Variants in ATG13 observed in about 807,000 individuals in gnomAD.
ATG13 encodes autophagy-related protein 13.
Under a neutral mutation model 65.5 loss-of-function variants are expected in ATG13, and 23 were observed. The ratio of observed to expected loss-of-function variants is 0.35; its 90% CI spans 0.25 to 0.50. The LOEUF (loss-of-function observed/expected upper bound fraction) is 0.50, where lower values mean the gene tolerates loss of function less well. ATG13 is among the 20% of genes least tolerant of loss of function. The pLI is 0.98. For synonymous variants in ATG13, 252 were observed against 245.2 expected, an observed-to-expected ratio of 1.03 and a Z score of -0.26; for missense variants, 566 against 677.0, an observed-to-expected ratio of 0.84 and a Z score of 1.82.
intron 7 of ATG13, among the ~76,000 whole-genome samples, chr11:46,652,000 G>A (rs1212939730): frequency 1.3e-5 from 2 of 152,114 alleles, no homozygotes; most frequent in African/African-American, 2.4e-5. Context: ...TGTAATCCCA[G>A]CACTTTGAGA....
intron 11 of ATG13, among the ~76,000 whole-genome samples, chr11:46,663,348 T>C (rs1289004884): frequency 6.6e-6 from 1 of 151,992 alleles, no homozygotes; most frequent in African/African-American, 2.4e-5. Context: ...TAAGTAGCTT[T>C]GAAATCATAA....
At chr11:46,622,975 T>G (rs1285132054) in intron 1 of ATG13, among the ~76,000 whole-genome samples, 1 of 152,178 alleles carries the variant, frequency 6.6e-6, no homozygotes, top group African/African-American at 2.4e-5. Context: ...GAAGTACAGC[T>G]AGAGTCATCA....
At position 46,659,427 on chromosome 11, in the gene ATG13, C is replaced by T. The variant is rs1470373259; in HGVS notation, c.731C>T (p.Ser244Phe). ...AGEDTGVIYP[S>F]VEDSQEVCTT... ...GAGGACACTGGAGTAATATACCCGT[C>T]TGTAGAAGACTCTCAAGAAGTGTGT... The change falls in exon 11 of 19, where the codon TCT (serine) becomes TTT (phenylalanine). Residue 244 changes from serine to phenylalanine, a missense_variant. By Grantham distance (155) the Ser-to-Phe change is radical. Coordinates refer to ENST00000683050, the MANE Select transcript of ATG13 (RefSeq NM_001346311.2). 6.2e-7 allele frequency: 1 copy of T among 1,613,948 alleles called. No homozygotes were observed. Among genetic ancestry groups the T allele is most frequent in the Non-Finnish European group, 8.5e-7 (1 of 1,179,926 alleles).
In ATG13 at chr11:46,617,675, C is replaced by T. The variant is rs2045735695; in HGVS notation, c.-285C>T. The T allele has an allele frequency of 5.1e-6, 2 of 393,850 alleles. No individual in the cohort carries two copies. The highest frequency in any genetic ancestry group is 9.0e-6 in the Non-Finnish European group (2 of 223,424). 24.4% of individuals were successfully genotyped at this position (393,850 alleles called of 1,614,324 possible). A position where few individuals can be genotyped will look rare whatever the true frequency, so the allele number is the denominator to read the frequency against. On this transcript the variant is annotated 5_prime_UTR_variant, in exon 1 of 19. Transcript: ENST00000683050. Reference sequence around the variant, plus strand: ...GAGGGAAGCACTGAAGAGCGCCAGTCGACGTGGGTGCGACAACTCGCGGAG... The same window carrying T: ...GAGGGAAGCACTGAAGAGCGCCAGTTGACGTGGGTGCGACAACTCGCGGAG...
At position 46,649,197 on chromosome 11, in the gene ATG13, C is replaced by T. The variant is rs1591893619; in HGVS notation, c.317+14C>T. On this transcript the variant is annotated intron_variant, in intron 6 of 18. Transcript: ENST00000683050. ...AATGAATGAAAAGTAAGTGCTGCGT[C>T]TTAGGGTCCTTGGTTGTGGTTGCTG... 1 of 1,610,264 alleles carries T rather than the reference C, an allele frequency of 6.2e-7. No individual in the cohort carries two copies. Among genetic ancestry groups the T allele is most frequent in the Non-Finnish European group, 8.5e-7 (1 of 1,177,926 alleles).
At chr11:46,633,316 C>G (rs906774702) in intron 2 of ATG13, among the ~76,000 whole-genome samples, 3 of 150,742 alleles carry the variant, frequency 2.0e-5, no homozygotes, top group African/African-American at 7.3e-5. Flanking sequence ...CCACTGCACC[C>G]AGCCCCCAAA....
At chr11:46,644,709 TCTTTC>T (rs1465547821) in intron 3 of ATG13, among the ~76,000 whole-genome samples, 1 of 152,140 alleles carries the variant, frequency 6.6e-6, no homozygotes, top group Non-Finnish European at 1.5e-5. Context: ...ATTTTGGACA[TCTTTC>T]CTTAAGTTTC....
intron 14 of ATG13, among the ~76,000 whole-genome samples, chr11:46,666,891 G>A (rs956831301): frequency 4.6e-5 from 7 of 151,948 alleles, no homozygotes; most frequent in African/African-American, 1.7e-4. Context: ...ACGGTAAAGT[G>A]GGAAGGAGTC....
At chr11:46,668,753 G>T in intron 16 of ATG13, 41 bp from the exon 17 acceptor site, 1 of 1,542,952 alleles carries the variant, frequency 6.5e-7, no homozygotes, top group East Asian at 2.2e-5. Context: ...CTTGAATCTG[G>T]GTCACAGCAT....
intron 2 of ATG13, among the ~76,000 whole-genome samples, chr11:46,633,016 ATATATATATATT>A (rs1186094536): frequency 3.5e-5 from 4 of 115,482 alleles, no homozygotes; most frequent in African/African-American, 1.3e-4. Context: ...ATATATATAT[ATATATATATATT>A]TTTTTTTTTT....
At chr11:46,658,491 TTGGAGATCAGCCCAGGCAATG>T (rs2060474913) in intron 10 of ATG13, among the ~76,000 whole-genome samples, 1 of 151,866 alleles carries the variant, frequency 6.6e-6, no homozygotes, top group Non-Finnish European at 1.5e-5. Flanking sequence ...AGCCCAGGAG[TTGGAGATCAGCCCAGGCAATG>T]TGGTGAAACA....
At chr11:46,622,164 C>T (rs2047938469) in intron 1 of ATG13, among the ~76,000 whole-genome samples, 1 of 142,406 alleles carries the variant, frequency 7.0e-6, no homozygotes, top group South Asian at 2.2e-4. Flanking sequence ...GTTTCCCAGA[C>T]TGGAGTGCGG....
At chr11:46,668,756 C>A in intron 16 of ATG13, 38 bp from the exon 17 acceptor site, 1 of 1,552,024 alleles carries the variant, frequency 6.4e-7, no homozygotes, top group South Asian at 1.1e-5. Flanking sequence ...GAATCTGGGT[C>A]ACAGCATCAG....
chr11:46,654,155 G>A (rs2059513922), intron 7 of ATG13, among the ~76,000 whole-genome samples: 1 of 150,748 alleles, frequency 6.6e-6, no homozygotes, highest in South Asian at 2.1e-4. Flanking sequence ...TTCATGGCCA[G>A]GCACAGTTGG....
intron 2 of ATG13, among the ~76,000 whole-genome samples, chr11:46,633,047 C>T (rs1015856592): frequency 3.5e-5 from 4 of 114,450 alleles, no homozygotes; most frequent in Non-Finnish European, 7.0e-5. Context: ...TTTTTGGCAA[C>T]GGGGTCTTGC....
At chr11:46,657,703 C>T in intron 10 of ATG13, 81 bp downstream of exon 10, 1 of 1,278,256 alleles carries the variant, frequency 7.8e-7, no homozygotes, top group Non-Finnish European at 1.1e-6. Flanking sequence ...GAACACTTTT[C>T]TCAGCACTCA....
chr11:46,645,340 CTGTCCAAGTGAT>C lies in ATG13; in HGVS notation c.78_89del (p.Val27_Gln30del). The C allele has an allele frequency of 6.2e-7, 1 of 1,608,858 alleles. No homozygotes were observed. Among genetic ancestry groups the C allele is most frequent in the Non-Finnish European group, 8.5e-7 (1 of 1,177,886 alleles). On this transcript the variant is annotated inframe_deletion and splice_region_variant, in exon 4 of 19. Coordinates refer to ENST00000683050, the MANE Select transcript of ATG13 (RefSeq NM_001346311.2). Reference sequence around the variant, plus strand: ...CTTTTGTGTTTTTTTTTTCTTTAGACTGTCCAAGTGATTGTCCAGGCTCGGCTTGGTGAAAAG... The same window carrying C: ...CTTTTGTGTTTTTTTTTTCTTTAGACTGTCCAGGCTCGGCTTGGTGAAAAG...
At chr11:46,660,633 C>A (rs2060976067) in intron 11 of ATG13, among the ~76,000 whole-genome samples, 1 of 151,422 alleles carries the variant, frequency 6.6e-6, no homozygotes, top group African/African-American at 2.4e-5. Flanking sequence ...TGGTCTCGAT[C>A]TCCTGACCTC....
At chr11:46,636,557 CAAAAAAAA>C (rs374517009) in intron 2 of ATG13, among the ~76,000 whole-genome samples, 1 of 47,302 alleles carries the variant, frequency 2.1e-5, no homozygotes, top group Non-Finnish European at 4.1e-5. Context: ...GACTCCGTCT[CAAAAAAAA>C]AAAAAAAAAA....
Sources: allele counts gnomAD v4.1 joint callset (sites outside exome capture counted in the v4.1 genomes callset), GRCh38; gene constraint gnomAD v4.1.1; transcripts MANE v1.5; gene names NCBI Gene and HGNC (gene_info 2026-07-23, HGNC 2026-07-21).